The following PDE10A variants were observed in gnomAD, a reference collection of about 807,000 sequenced individuals.
The protein encoded by PDE10A is phosphodiesterase 10A.
PDE10A carries 39 observed loss-of-function variants against 97.7 expected under a neutral mutation model. That is an observed-to-expected ratio of 0.40 (90% CI 0.31 to 0.52). The LOEUF is 0.52. PDE10A is among the 20% of genes least tolerant of loss of function. The pLI is 0.56. For missense variants in PDE10A, 731 were observed against 1,047.8 expected (o/e 0.70, Z 4.17); for synonymous variants, 371 against 376.8 (o/e 0.98, Z 0.18).
intron 1 of PDE10A, among the ~76,000 whole-genome samples, chr6:165,954,668 G>T (rs546278795): frequency 5.3e-5 from 8 of 152,270 alleles, no homozygotes; most frequent in African/African-American, 1.9e-4. Flanking sequence ...CGCCTCAGTT[G>T]CAAGGCGGGC....
chr6:165,555,954 C>T (rs1359006200), intron 1 of PDE10A, among the ~76,000 whole-genome samples: 2 of 152,180 alleles, frequency 1.3e-5, no homozygotes, highest in South Asian at 2.1e-4. Flanking sequence ...AATAATTATA[C>T]TGGAAAAAAT....
chr6:165,607,846 G>C (rs1027772147), intron 1 of PDE10A, among the ~76,000 whole-genome samples: 1 of 151,996 alleles, frequency 6.6e-6, no homozygotes, highest in African/African-American at 2.4e-5. Context: ...ATCCAGATCT[G>C]AGGTTCAAGT....
intron 1 of PDE10A, among the ~76,000 whole-genome samples, chr6:165,805,750 G>A (rs1460430416): frequency 1.3e-5 from 2 of 152,096 alleles, no homozygotes; most frequent in Non-Finnish European, 2.9e-5. Flanking sequence ...AGAGGTAAAA[G>A]AACTGCTGCC....
At chr6:165,406,544 TG>T (rs1311312486) in intron 13 of PDE10A, among the ~76,000 whole-genome samples, 3 of 152,148 alleles carry the variant, frequency 2.0e-5, no homozygotes, top group African/African-American at 7.2e-5. Flanking sequence ...ACTTTATCGA[TG>T]AAGTTTTGGG....
intron 19 of PDE10A, among the ~76,000 whole-genome samples, chr6:165,340,604 A>G (rs1008339471): frequency 3.9e-5 from 6 of 152,248 alleles, no homozygotes; most frequent in Non-Finnish European, 8.8e-5. Context: ...AGCTTTTTAA[A>G]CAAACGATGA....
At chr6:165,352,562 T>A (rs969920493) in intron 18 of PDE10A, among the ~76,000 whole-genome samples, 2 of 152,104 alleles carry the variant, frequency 1.3e-5, no homozygotes, top group East Asian at 3.8e-4. Context: ...AAGTTGGATA[T>A]TTACCAAGCT....
At chr6:165,495,141 C>T (rs2128290860) in intron 2 of PDE10A, among the ~76,000 whole-genome samples, 1 of 152,274 alleles carries the variant, frequency 6.6e-6, no homozygotes, top group Non-Finnish European at 1.5e-5. Context: ...ATGCCAGACA[C>T]CGAATAAATG....
At chr6:165,894,441 G>C (rs549584510) in intron 1 of PDE10A, 1 of 455,880 alleles carries the variant, frequency 2.2e-6, no homozygotes, top group South Asian at 1.5e-5. Flanking sequence ...CTGCATTCAG[G>C]CTCCAAAAAA....
chr6:165,928,732 C>T (rs1344188082), intron 1 of PDE10A, among the ~76,000 whole-genome samples: 1 of 152,160 alleles, frequency 6.6e-6, no homozygotes, highest in Non-Finnish European at 1.5e-5. Context: ...CTCAACCCAG[C>T]ACACATCACT....
At position 165,967,916 on chromosome 6, in the gene PDE10A, C is replaced by T. The variant is rs187170641; in HGVS notation, c.-615+19613G>A. ...TTCACAATAGCACTCCCCAAAACTG[C>T]ACTCTGCTAACCTTCCTGTAAGACA... On this transcript the variant is annotated intron_variant, in intron 1 of 19. Transcript: ENST00000366882. 4.5e-4 allele frequency among the ~76,000 whole-genome samples: 69 copies of T among 152,344 alleles called. 2 individuals are homozygous for T. In the East Asian group the frequency reaches 0.012, roughly 26 times the overall value.
intron 5 of PDE10A, among the ~76,000 whole-genome samples, chr6:165,445,770 T>C (rs1374850380): frequency 1.3e-5 from 2 of 152,172 alleles, no homozygotes; most frequent in Non-Finnish European, 2.9e-5. Flanking sequence ...GGATTGGTAG[T>C]ACCTTAAGTG....
intron 3 of PDE10A, among the ~76,000 whole-genome samples, chr6:165,459,942 C>T (rs916150377): frequency 1.3e-4 from 20 of 152,286 alleles, no homozygotes; most frequent in Non-Finnish European, 1.6e-4. Context: ...TGAAATATGT[C>T]CAAAATGTAA....
At chr6:165,460,735 T>C (rs949732052) in intron 3 of PDE10A, among the ~76,000 whole-genome samples, 3 of 152,194 alleles carry the variant, frequency 2.0e-5, no homozygotes, top group African/African-American at 7.2e-5. Flanking sequence ...CTTCTGCACC[T>C]ATAAATTTAT....
At position 165,341,550 on chromosome 6, in the gene PDE10A, T is replaced by C. The variant is rs1781971957; in HGVS notation, c.2895+1841A>G. ...TGCAAGGTTTTTGCTCCTGTTGTCA[T>C]AGCTGCAGTGATGGCTTCATGAATT... On this transcript the variant is annotated intron_variant, in intron 19 of 21. Coordinates refer to ENST00000539869, the MANE Select transcript of PDE10A (RefSeq NM_001385079.1). Among the ~76,000 whole-genome samples, 3 of 152,336 alleles carry C rather than the reference T, an allele frequency of 2.0e-5. 1 individual carries two copies. Among genetic ancestry groups the C allele is most frequent in the South Asian group, 4.1e-4 (2 of 4,828 alleles).
At chr6:165,674,555 T>G (rs1790742203) in intron 1 of PDE10A, among the ~76,000 whole-genome samples, 1 of 152,170 alleles carries the variant, frequency 6.6e-6, no homozygotes, top group Non-Finnish European at 1.5e-5. Context: ...AACGACTGGC[T>G]CCTGGTGTTT....
At chr6:165,596,013 ATAT>A (rs1786566869) in intron 1 of PDE10A, among the ~76,000 whole-genome samples, 1 of 152,218 alleles carries the variant, frequency 6.6e-6, no homozygotes, top group Admixed American at 6.5e-5. Context: ...GTGTTGAGAA[ATAT>A]TATATTCACA....
intron 1 of PDE10A, among the ~76,000 whole-genome samples, chr6:165,974,594 A>T (rs1174541605): frequency 6.6e-6 from 1 of 152,250 alleles, no homozygotes; most frequent in East Asian, 1.9e-4. Context: ...AATTTTGCTG[A>T]ATGATAAAGA....
chr6:165,451,852 C>T (rs527771318), intron 3 of PDE10A, among the ~76,000 whole-genome samples: 19 of 152,218 alleles, frequency 1.2e-4, no homozygotes, highest in South Asian at 4.1e-4. Context: ...AGAATCAATA[C>T]GTAAATAAGG....
chr6:165,906,723 G>T (rs1782296059), intron 1 of PDE10A, among the ~76,000 whole-genome samples: 1 of 152,178 alleles, frequency 6.6e-6, no homozygotes, highest in South Asian at 2.1e-4. Context: ...AATAGGAGAG[G>T]TGCTTAGGGA....
Sources: gnomAD v4.1 joint callset for allele counts (sites outside exome capture counted in the v4.1 genomes callset) on GRCh38, gnomAD v4.1.1 for gene constraint, MANE v1.5 for transcripts, NCBI Gene and HGNC (gene_info 2026-07-23, HGNC 2026-07-21) for gene names.